Variants in TMEM269 observed in about 807,000 individuals in gnomAD.
TMEM269 encodes transmembrane protein 269.
A neutral mutation model predicts 15.8 loss-of-function variants in TMEM269; 12 were observed. The observed-to-expected ratio is 0.76, with a 90% CI of 0.49 to 1.23. TMEM269 has a LOEUF of 1.23. Ranked by LOEUF, TMEM269 falls within the 50% of genes most tolerant of loss-of-function variation. The pLI, the probability that TMEM269 is intolerant of heterozygous loss-of-function variation, is 0.00. For synonymous variants in TMEM269, 93 were observed against 99.3 expected, an observed-to-expected ratio of 0.94 and a Z score of 0.38; for missense variants, 211 against 245.4, an observed-to-expected ratio of 0.86 and a Z score of 0.94.
chr1:42,787,925 T>A (rs949816723), intron 1 of TMEM269: 1 of 152,234 alleles, frequency 6.6e-6, no homozygotes, highest in Non-Finnish European at 1.5e-5. Flanking sequence ...GGAGGGAGTA[T>A]GCAGCAAGTC....
rs1341791509 is a variant in TMEM269, at chr1:42,799,307, C to T, written c.*1082C>T. ...GAGCCCCCAGCGTAGATAGACATTCCACCTCCCAGATGGTGGAAAAAAGGA... is the reference window on the plus strand; with the variant it reads ...GAGCCCCCAGCGTAGATAGACATTCTACCTCCCAGATGGTGGAAAAAAGGA... On this transcript the variant is annotated 3_prime_UTR_variant, in exon 6 of 6. Coordinates refer to ENST00000637012, the MANE Select transcript of TMEM269 (RefSeq NM_001354602.2). 2 of 151,654 alleles carry T rather than the reference C, an allele frequency of 1.3e-5. No homozygotes were observed. Among genetic ancestry groups the T allele is most frequent in the Non-Finnish European group, 2.9e-5 (2 of 67,964 alleles). 9.4% of individuals were successfully genotyped at this position (151,654 alleles called of 1,614,324 possible).
rs531255870 is a variant in TMEM269, at chr1:42,789,682, A to C, written c.-98-114A>C. On this transcript the variant is annotated intron_variant, in intron 1 of 5. Coordinates refer to ENST00000637012, the MANE Select transcript of TMEM269 (RefSeq NM_001354602.2). ...TCTCCCTTAGTCCAGCCAGTGAAAC[A>C]GAATGTAGGGAGGGTGCCATTCTGG... The C allele has an allele frequency of 3.9e-5, 32 of 814,784 alleles. No homozygotes were observed. In the East Asian group the frequency reaches 5.9e-4, roughly 15 times the overall value. 50.5% of individuals were successfully genotyped at this position (814,784 alleles called of 1,614,324 possible). A position where few individuals can be genotyped will look rare whatever the true frequency, so the allele number is the denominator to read the frequency against.
Position 42,797,887 on chromosome 1 carries a change from C to T in TMEM269, c.485-211C>T, listed in dbSNP as rs1405640311. 2.9e-6 allele frequency: 2 copies of T among 681,890 alleles called. No homozygotes were observed. The highest frequency in any genetic ancestry group is 3.0e-5 in the South Asian group (2 of 66,450). 42.2% of individuals were successfully genotyped at this position (681,890 alleles called of 1,614,324 possible). The stretch of plus-strand genomic sequence containing the variant: ...CTGATGTGAATTTGACACAGTGGAA[C>T]CTGAGACTGCATTGGGCTATACTTC... On this transcript the variant is annotated intron_variant, in intron 5 of 5. Transcript: ENST00000637012. This position sits in a 1 kb window ranked among gnomAD's most constrained non-coding sequence, Gnocchi z 4.9.
Position 42,794,629 on chromosome 1 carries a change from A to ACT in TMEM269, c.484+17_484+18dup. On this transcript the variant is annotated intron_variant, in intron 5 of 5. Coordinates refer to ENST00000637012, the MANE Select transcript of TMEM269 (RefSeq NM_001354602.2). ...TATATAGGAGGTGAGTGAAAATGTC[A>ACT]CTATGGCCAGTTTGTTATCACAGTT... is the stretch of plus-strand genomic sequence containing the variant. 2 of 1,528,974 alleles carry ACT rather than the reference A, an allele frequency of 1.3e-6. No homozygotes were observed. The highest frequency in any genetic ancestry group is 1.8e-6 in the Non-Finnish European group (2 of 1,127,214). The allele number at this position is 1,528,974 out of a possible 1,614,324, so 94.7% of individuals were successfully genotyped here. A position where few individuals can be genotyped will look rare whatever the true frequency, so the allele number is the denominator to read the frequency against.
At chr1:42,798,019 G>A in intron 5 of TMEM269, 79 bp from the exon 6 acceptor site, 1 of 1,480,856 alleles carries the variant, frequency 6.8e-7, no homozygotes, top group South Asian at 1.2e-5. Context: ...ATGGGAGGGT[G>A]GGGACGGGAG....
chr1:42,789,748 G>A, intron 1 of TMEM269, 48 bp from the exon 2 acceptor site: 1 of 1,065,690 alleles, frequency 9.4e-7, no homozygotes, highest in Non-Finnish European at 1.4e-6. Context: ...GCCTCTTCTG[G>A]GACTCCTTAA....
Position 42,794,447 on chromosome 1 carries a change from CT to C in TMEM269, c.319del (p.Tyr107MetfsTer12). ...CCACATACAAGGGTCTACCCTGCCC[CT>C]ATGCTTCCTGCATCTTGGCTTCCAC... The part of the protein sequence containing the change: ...PSTYKGLPCP[Y>X]ASCILASTSL... On this transcript the variant is annotated frameshift_variant, in exon 5 of 6. Transcript: ENST00000637012. LOFTEE classifies it high-confidence loss of function. 2 of 1,550,632 alleles carry C rather than the reference CT, an allele frequency of 1.3e-6. No homozygotes were observed. The highest frequency in any genetic ancestry group is 2.4e-5 in the South Asian group (2 of 84,066).
In TMEM269 at chr1:42,788,506, C is replaced by G. The variant is rs1316884802; in HGVS notation, c.-98-1290C>G. ...TGTGGTCTTAGAGTAAAAACAGAGA[C>G]AAGACAGACTGTGAAGATGGGCAGG... On this transcript the variant is annotated intron_variant, in intron 1 of 5. Transcript: ENST00000637012. This position sits in a 1 kb window ranked among gnomAD's most constrained non-coding sequence, Gnocchi z 4.0. Among the ~76,000 whole-genome samples the G allele has an allele frequency of 6.6e-6, 1 of 152,080 alleles. No individual in the cohort carries two copies. The highest frequency in any genetic ancestry group is 2.4e-5 in the African/African-American group (1 of 41,420).
At chr1:42,796,029 A>T (rs1399526518) in intron 5 of TMEM269, among the ~76,000 whole-genome samples, 2 of 152,210 alleles carry the variant, frequency 1.3e-5, no homozygotes, top group African/African-American at 4.8e-5. Flanking sequence ...ACTCTAGCAC[A>T]TATTAGTTGA....
intron 3 of TMEM269, 54 bp downstream of exon 3, chr1:42,792,956 G>T (rs1287635236): frequency 1.4e-6 from 2 of 1,401,728 alleles, no homozygotes; most frequent in African/African-American, 2.9e-5. Flanking sequence ...TCCATCTGGG[G>T]TCACCCCTTC....
chr1:42,793,533 A>G lies in TMEM269; in HGVS notation c.140-68A>G, dbSNP rs545869792. On this transcript the variant is annotated intron_variant, in intron 3 of 5. Transcript: ENST00000637012. ...CTCTTATCACTACCCCAGCTCCCCT[A>G]CTAGATGGGGGCTAAGGTGCAAGAC... 9.8e-4 allele frequency: 1,422 copies of G among 1,451,554 alleles called. 2 individuals carry two copies. Among genetic ancestry groups the G allele is most frequent in the Non-Finnish European group, 1.1e-3 (1,188 of 1,087,492 alleles). The allele number at this position is 1,451,554 out of a possible 1,614,324, so 89.9% of individuals were successfully genotyped here.
intron 4 of TMEM269, 132 bp downstream of exon 4, chr1:42,793,876 C>T (rs1653747144): frequency 1.1e-5 from 11 of 1,043,952 alleles, no homozygotes; most frequent in Non-Finnish European, 1.3e-5. Flanking sequence ...CCTTGCGTGC[C>T]CCATGCCCCA....
At chr1:42,785,273 C>T (rs183109858) in intron 1 of TMEM269, among the ~76,000 whole-genome samples, 191 bp downstream of exon 1, 2,181 of 152,330 alleles carry the variant, frequency 0.014, 34 homozygotes, top group Non-Finnish European at 0.022. Flanking sequence ...GGTTTCCAGC[C>T]TCCAGGAAAG....
In TMEM269 at chr1:42,794,502, A is replaced by G; in HGVS notation, c.373A>G (p.Ile125Val). The change falls in exon 5 of 6, where the codon ATC becomes GTC. Residue 125 changes from isoleucine (I) to valine (V), a missense_variant. Physicochemically the swap from Ile to Val is conservative, Grantham distance 29. Coordinates refer to ENST00000637012, the MANE Select transcript of TMEM269 (RefSeq NM_001354602.2). Reference sequence around the variant, plus strand: ...CCTTCTGACCAAAGGCAACAGGTTCATCCTCTGCTGCATGGCCTCACTCAT... The same window carrying G: ...CCTTCTGACCAAAGGCAACAGGTTCGTCCTCTGCTGCATGGCCTCACTCAT... ...TSLLTKGNRF[I>V]LCCMASLMIL... 1 of 1,550,596 alleles carries G rather than the reference A, an allele frequency of 6.4e-7. No homozygotes were observed. Among genetic ancestry groups the G allele is most frequent in the South Asian group, 1.2e-5 (1 of 84,064 alleles).
At chr1:42,796,510 C>T (rs145470755) in intron 5 of TMEM269, 1 of 151,828 alleles carries the variant, frequency 6.6e-6, no homozygotes, top group East Asian at 1.9e-4. Context: ...TGGCCTGTGA[C>T]CAGCACTCTG....
intron 1 of TMEM269, among the ~76,000 whole-genome samples, chr1:42,787,801 G>T (rs896930086): frequency 7.9e-5 from 12 of 152,172 alleles, no homozygotes; most frequent in African/African-American, 2.9e-4. Flanking sequence ...CTTGACAGGT[G>T]GTAGACAGAC....
At chr1:42,785,168 T>C (rs1367937220) in intron 1 of TMEM269, 86 bp downstream of exon 1, 2 of 152,168 alleles carry the variant, frequency 1.3e-5, no homozygotes, top group Non-Finnish European at 2.9e-5. Context: ...CTTCCCGATG[T>C]GGTCGCGGCT....
rs1433229247 is a variant in TMEM269, at chr1:42,797,908, A to C, written c.485-190A>C. The stretch of plus-strand genomic sequence containing the variant: ...GGAACCTGAGACTGCATTGGGCTAT[A>C]CTTCTCTAGTTACTTACCTATCTCT... On this transcript the variant is annotated intron_variant, in intron 5 of 5. Coordinates refer to ENST00000637012, the MANE Select transcript of TMEM269 (RefSeq NM_001354602.2). The surrounding 1 kb of genome is among the most constrained non-coding windows in gnomAD (Gnocchi z 4.9). 2 of 705,920 alleles carry C rather than the reference A, an allele frequency of 2.8e-6. No homozygotes were observed. Among genetic ancestry groups the C allele is most frequent in the South Asian group, 3.0e-5 (2 of 66,688 alleles). 43.7% of individuals were successfully genotyped at this position (705,920 alleles called of 1,614,324 possible).
At chr1:42,795,135 A>G (rs981719745) in intron 5 of TMEM269, among the ~76,000 whole-genome samples, 5 of 152,214 alleles carry the variant, frequency 3.3e-5, no homozygotes, top group Non-Finnish European at 5.9e-5. Flanking sequence ...AGGGAAGGAA[A>G]GGATCCTTAA....
Sources: allele counts gnomAD v4.1 joint callset (sites outside exome capture counted in the v4.1 genomes callset), GRCh38; gene constraint gnomAD v4.1.1; non-coding constraint Gnocchi (gnomAD v3.1); transcripts MANE v1.5; gene names NCBI Gene and HGNC (gene_info 2026-07-23, HGNC 2026-07-21).